The following ODAD4 variants were observed in gnomAD, a reference collection of about 807,000 sequenced individuals.
ODAD4 encodes outer dynein arm-docking complex subunit 4.
A neutral mutation model predicts 51.8 loss-of-function variants in ODAD4; 49 were observed. The ratio of observed to expected loss-of-function variants is 0.95; its 90% CI spans 0.75 to 1.20. ODAD4 has a LOEUF of 1.20. Ranked by LOEUF, ODAD4 falls within the 50% of genes most tolerant of loss-of-function variation. ODAD4 has a pLI of 0.00. For missense variants in ODAD4, 590 were observed against 586.5 expected, an observed-to-expected ratio of 1.01 and a Z score of -0.06; for synonymous variants, 235 against 221.3, an observed-to-expected ratio of 1.06 and a Z score of -0.55.
intron 6 of ODAD4, 51 bp downstream of exon 6, chr17:41,938,832 G>A: frequency 5.0e-6 from 8 of 1,595,140 alleles, no homozygotes; most frequent in South Asian, 3.3e-5. Flanking sequence ...GCCTTATCAG[G>A]TGGGGAAGGA....
rs782792455 is a variant in ODAD4, at chr17:41,935,638, G to A, written c.286G>A (p.Asp96Asn). 2.5e-6 allele frequency: 4 copies of A among 1,613,392 alleles called. No individual in the cohort carries two copies. The highest frequency in any genetic ancestry group is 3.4e-6 in the Non-Finnish European group (4 of 1,179,654). ...QKAETLYTMGDFEFALVFYHR... is the reference protein window; with the variant it reads ...QKAETLYTMGNFEFALVFYHR... Reference sequence around the variant, plus strand: ...GGCTGAGACACTGTACACCATGGGAGACTTTGAGTTTGCCTTGGTATTCTA... The same window carrying A: ...GGCTGAGACACTGTACACCATGGGAAACTTTGAGTTTGCCTTGGTATTCTA... The change falls in exon 3 of 12, where the codon GAC becomes AAC. Residue 96 changes from aspartate (D) to asparagine (N), a missense_variant. Asp to Asn is a conservative substitution (Grantham distance 23). This residue lies in a region of ODAD4 where 360 missense variants were observed against 407.5 expected (regional missense o/e 0.88). Transcript: ENST00000377540.
chr17:41,938,801 G>T lies in ODAD4; in HGVS notation c.850+20G>T, dbSNP rs782213804. On this transcript the variant is annotated intron_variant, in intron 6 of 11. Transcript: ENST00000377540. ...ATATGTGTAGGTGTTGTTCTCAGAGGGTGGGGCAGGTGCCTCCAGTGCCTT... is the reference window on the plus strand; with the variant it reads ...ATATGTGTAGGTGTTGTTCTCAGAGTGTGGGGCAGGTGCCTCCAGTGCCTT... 1.2e-6 allele frequency: 2 copies of T among 1,609,122 alleles called. No homozygotes were observed. Among genetic ancestry groups the T allele is most frequent in the Admixed American group, 3.3e-5 (2 of 59,926 alleles).
chr17:41,937,015 T>G, intron 5 of ODAD4, 88 bp downstream of exon 5: 2 of 1,450,796 alleles, frequency 1.4e-6, no homozygotes, highest in Non-Finnish European at 1.9e-6. Flanking sequence ...GAACCTGTCA[T>G]ATAATATTAG....
At chr17:41,936,642 C>A in intron 4 of ODAD4, 108 bp downstream of exon 4, 1 of 1,522,750 alleles carries the variant, frequency 6.6e-7, no homozygotes, top group Non-Finnish European at 9.0e-7. Context: ...TACTCCGTGA[C>A]TCTTGGCCCA....
intron 11 of ODAD4, among the ~76,000 whole-genome samples, chr17:41,963,136 G>A (rs888908110): frequency 6.6e-6 from 1 of 152,132 alleles, no homozygotes; most frequent in South Asian, 2.1e-4. Flanking sequence ...TGCCGGGCAC[G>A]TCCCTCTCAG....
Position 41,945,134 on chromosome 17 carries a change from A to G in ODAD4, c.1059-2A>G, listed in dbSNP as rs782396756. 2.5e-6 allele frequency: 4 copies of G among 1,612,324 alleles called. No individual in the cohort carries two copies. Among genetic ancestry groups the G allele is most frequent in the Non-Finnish European group, 2.5e-6 (3 of 1,179,236 alleles). The stretch of plus-strand genomic sequence containing the variant: ...ATGGCTTGTTTTGCTTCTTCCCCAC[A>G]GTGACCTTCCTGATGCAAAATCGAG... On this transcript the variant is annotated splice_acceptor_variant, in intron 7 of 11. Transcript: ENST00000377540. LOFTEE classifies it high-confidence loss of function.
intron 11 of ODAD4, among the ~76,000 whole-genome samples, chr17:41,963,641 CTTTTTTTT>C (rs571961236): frequency 1.9e-4 from 27 of 140,796 alleles, no homozygotes; most frequent in Admixed American, 1.8e-3. Context: ...TCTTTTCTTT[CTTTTTTTT>C]TTTTTTTGAA....
At chr17:41,947,532 C>T (rs1182460832) in intron 8 of ODAD4, among the ~76,000 whole-genome samples, 6 of 151,712 alleles carry the variant, frequency 4.0e-5, no homozygotes, top group Non-Finnish European at 1.5e-5. Context: ...TGTGGTGGCT[C>T]ACGCCTGTAA....
chr17:41,959,628 C>T (rs1339095077), intron 10 of ODAD4, among the ~76,000 whole-genome samples: 2 of 152,056 alleles, frequency 1.3e-5, no homozygotes, highest in Non-Finnish European at 2.9e-5. Context: ...CGTGGGAGGT[C>T]GGCGCTGAGG....
chr17:41,955,102 C>T, intron 9 of ODAD4, 115 bp from the exon 10 acceptor site: 1 of 713,678 alleles, frequency 1.4e-6, no homozygotes, highest in Non-Finnish European at 2.6e-6. Flanking sequence ...GGTCCGACTA[C>T]AGCTCACACA....
chr17:41,939,693 G>A (rs969670371), intron 7 of ODAD4, among the ~76,000 whole-genome samples: 1 of 152,160 alleles, frequency 6.6e-6, no homozygotes, highest in African/African-American at 2.4e-5. Flanking sequence ...GAGACAGGAG[G>A]GTACTTAAGC....
chr17:41,938,735 A>T lies in ODAD4; in HGVS notation c.804A>T (p.Ser268=). The T allele has an allele frequency of 6.2e-7, 1 of 1,613,718 alleles. No homozygotes were observed. The highest frequency in any genetic ancestry group is 8.5e-7 in the Non-Finnish European group (1 of 1,179,896). The change falls in exon 6 of 12, where the codon TCA becomes TCT. Residue 268 remains serine, a synonymous_variant. Transcript: ENST00000377540. ...TGCGGGACCACAAACGCCGTCCCTCACAGACAGCCCATTACATCCTCAAGA... is the reference window on the plus strand; with the variant it reads ...TGCGGGACCACAAACGCCGTCCCTCTCAGACAGCCCATTACATCCTCAAGA... The part of the protein sequence containing the change: ...KWLRDHKRRP[S]QTAHYILKSL...
intron 9 of ODAD4, among the ~76,000 whole-genome samples, chr17:41,951,665 C>G (rs993234395): frequency 6.6e-6 from 1 of 151,440 alleles, no homozygotes; most frequent in Non-Finnish European, 1.5e-5. Context: ...AGGTGGATCA[C>G]CTGAGGTCAG....
rs372000675 is a variant in ODAD4 at position 41,938,947 on chromosome 17, A to G, written c.851-18A>G. 1.7e-4 allele frequency: 276 copies of G among 1,603,802 alleles called. 2 individuals carry two copies. The Middle Eastern group carries it at 8.4e-3, about 49-fold the overall frequency. ...AGGAGGCTGCCCTGGCCTCCACAGC[A>G]CCCCTTTCCTTTCTCAGTGCTCACA... On this transcript the variant is annotated intron_variant, in intron 6 of 11. Coordinates refer to ENST00000377540, the MANE Select transcript of ODAD4 (RefSeq NM_031421.5).
chr17:41,945,172 C>T lies in ODAD4; in HGVS notation c.1095C>T (p.Asn365=). Residue 365 remains asparagine, a synonymous_variant, in exon 8 of 12, where the codon AAC becomes AAT. Coordinates refer to ENST00000377540, the MANE Select transcript of ODAD4 (RefSeq NM_031421.5). ...ATGCAAAATCGAGAGCCCTTGACAA[C>T]ATTGGCAGAGTTTTTGCCAGAGTTG... ...LPDAKSRALD[N]IGRVFARVGK... The T allele has an allele frequency of 1.9e-6, 3 of 1,613,422 alleles. No individual in the cohort carries two copies. Among genetic ancestry groups the T allele is most frequent in the Non-Finnish European group, 2.5e-6 (3 of 1,179,710 alleles).
At chr17:41,964,879 G>T in intron 11 of ODAD4, 114 bp from the exon 12 acceptor site, 1 of 599,628 alleles carries the variant, frequency 1.7e-6, no homozygotes. Flanking sequence ...CTGGCCTCAA[G>T]GGATCTGCCT....
rs2050436857 is a variant in ODAD4 at position 41,936,879 on chromosome 17, G to A, written c.577G>A (p.Glu193Lys). The change falls in exon 5 of 12, where the codon GAG becomes AAG. Residue 193 changes from glutamate (E) to lysine (K), a missense_variant. Physicochemically the swap from Glu to Lys is moderately conservative, Grantham distance 56. This residue lies in a region of ODAD4 where 360 missense variants were observed against 407.5 expected (regional missense o/e 0.88). Transcript: ENST00000377540. Reference protein sequence around the residue: ...SEKTVRQLLGELYVDKEYLEK... With the variant: ...SEKTVRQLLGKLYVDKEYLEK... The stretch of plus-strand genomic sequence containing the variant: ...GAAGACTGTCCGCCAGCTTCTGGGG[G>A]AGCTCTACGTGGACAAAGAGTATTT... 1 of 1,613,984 alleles carries A rather than the reference G, an allele frequency of 6.2e-7. No homozygotes were observed. The highest frequency in any genetic ancestry group is 8.5e-7 in the Non-Finnish European group (1 of 1,179,898).
rs562989121 is a variant in ODAD4 at position 41,965,188 on chromosome 17, GA to G, written c.1726del (p.Ser576AlafsTer14). On this transcript the variant is annotated frameshift_variant, in exon 12 of 12. Transcript: ENST00000377540. LOFTEE classifies it low-confidence loss of function (END_TRUNC). The stretch of plus-strand genomic sequence containing the variant: ...CAGAGTGTGGAAGCAGGAAAAGCCA[GA>G]AGCGATTTGGGAGCAGTTGCCAAGG... Reference protein sequence around the residue: ...GKQSVEAGKARSDLGAVAKGL... With the variant: ...GKQSVEAGKAXSDLGAVAKGL... 6.4e-4 allele frequency: 498 copies of G among 773,528 alleles called. 12 individuals carry two copies. The South Asian group carries it at 6.6e-3, about 10-fold the overall frequency. 47.9% of individuals were successfully genotyped at this position (773,528 alleles called of 1,614,324 possible).
At chr17:41,957,210 TATC>T (rs1279504829) in intron 10 of ODAD4, among the ~76,000 whole-genome samples, 1 of 152,112 alleles carries the variant, frequency 6.6e-6, no homozygotes, top group Admixed American at 6.6e-5. Context: ...CATTTTCTCT[TATC>T]AGCAGTCCCC....
Sources: gnomAD v4.1 joint callset for allele counts (sites outside exome capture counted in the v4.1 genomes callset) on GRCh38, gnomAD v4.1.1 for gene constraint, gnomAD v4.1.1 regional missense constraint, MANE v1.5 for transcripts, NCBI Gene and HGNC (gene_info 2026-07-23, HGNC 2026-07-21) for gene names.